The following CLTRN variants were observed in gnomAD, a reference collection of about 807,000 sequenced individuals.
The protein encoded by CLTRN is collectrin, amino acid transport regulator.
CLTRN carries 12 observed loss-of-function variants against 14.5 expected under a neutral mutation model. That is an observed-to-expected ratio of 0.83 (90% CI 0.53 to 1.34). The LOEUF (loss-of-function observed/expected upper bound fraction) is 1.34. Among genes scored for constraint, CLTRN ranks in the 40% most tolerant of loss-of-function variants. CLTRN has a pLI of 0.00. For synonymous variants in CLTRN, 58 were observed against 56.5 expected, an observed-to-expected ratio of 1.03 and a Z score of -0.12; for missense variants, 154 against 165.1, an observed-to-expected ratio of 0.93 and a Z score of 0.37.
intron 3 of CLTRN, among the ~76,000 whole-genome samples, chrX:15,654,413 T>C (rs1929299165): frequency 8.9e-6 from 1 of 112,715 alleles, no homozygotes; most frequent in East Asian, 2.8e-4. Context: ...AGACTAAACT[T>C]TGGATTAGAT....
intron 1 of CLTRN, among the ~76,000 whole-genome samples, chrX:15,669,999 G>A (rs1929686545): frequency 9.0e-6 from 1 of 111,233 alleles, no homozygotes; most frequent in South Asian, 3.7e-4. Context: ...TTTGCTGCTG[G>A]GCATGGTGGC....
intron 3 of CLTRN, among the ~76,000 whole-genome samples, chrX:15,650,654 G>A (rs1053346495): frequency 1.3e-4 from 15 of 112,196 alleles, no homozygotes; most frequent in Admixed American, 3.8e-4. Context: ...ACAATGTTGT[G>A]TCCTTCCTAC....
intron 5 of CLTRN, among the ~76,000 whole-genome samples, chrX:15,639,333 G>A (rs1181762995): frequency 8.9e-6 from 1 of 112,181 alleles, no homozygotes; most frequent in African/African-American, 3.2e-5. Flanking sequence ...ATGTGGTACA[G>A]AATAGAGGGA....
chrX:15,654,345 C>A (rs998658312), intron 3 of CLTRN, among the ~76,000 whole-genome samples: 2 of 112,721 alleles, frequency 1.8e-5, no homozygotes, highest in Admixed American at 9.4e-5. Context: ...GATAAATTAT[C>A]TAAAAGTTGA....
chrX:15,630,807 G>A (rs913816143), intron 5 of CLTRN, among the ~76,000 whole-genome samples: 1 of 111,610 alleles, frequency 9.0e-6, no homozygotes, highest in Non-Finnish European at 1.9e-5. Flanking sequence ...CATGGGTTGG[G>A]GTGGACATAG....
chrX:15,661,969 C>G lies in CLTRN; in HGVS notation c.117+2368G>C, dbSNP rs890201148. ...CTTTTTGCACACATCTAAGAACACTCAAACCATGGCTAACCCCACATTTTA... is the reference window on the plus strand; with the variant it reads ...CTTTTTGCACACATCTAAGAACACTGAAACCATGGCTAACCCCACATTTTA... On this transcript the variant is annotated intron_variant, in intron 2 of 5. Coordinates refer to ENST00000380342, the MANE Select transcript of CLTRN (RefSeq NM_020665.6). Among the ~76,000 whole-genome samples, 4 of 111,831 alleles carry G rather than the reference C, an allele frequency of 3.6e-5. No individual in the cohort carries two copies. In the Admixed American group the frequency reaches 3.8e-4, roughly 11 times the overall value.
chrX:15,652,549 A>G (rs1259175258), intron 3 of CLTRN, among the ~76,000 whole-genome samples: 3 of 110,377 alleles, frequency 2.7e-5, no homozygotes, highest in Non-Finnish European at 5.7e-5. Flanking sequence ...ACAAACTTAT[A>G]GTACCGCTAA....
At chrX:15,666,252 C>G (rs745924022), upstream of CLTRN, among the ~76,000 whole-genome samples, 1 of 111,529 alleles carries the variant, frequency 9.0e-6, no homozygotes, top group East Asian at 2.8e-4. Flanking sequence ...TTTAAAAAAC[C>G]CTGAAGTTGC....
At chrX:15,660,066 G>A (rs1035650921) in intron 2 of CLTRN, among the ~76,000 whole-genome samples, 5 of 111,504 alleles carry the variant, frequency 4.5e-5, no homozygotes, top group Admixed American at 2.9e-4. Context: ...AAAGCTGAGC[G>A]GAAGAAGTTG....
intron 3 of CLTRN, among the ~76,000 whole-genome samples, chrX:15,654,873 C>T (rs1929310916): frequency 8.9e-6 from 1 of 112,130 alleles, no homozygotes. Flanking sequence ...CCAGCCACAG[C>T]AGTGTAGTTC....
intron 5 of CLTRN, among the ~76,000 whole-genome samples, chrX:15,633,597 G>C (rs888957812): frequency 2.7e-5 from 3 of 112,749 alleles, no homozygotes; most frequent in African/African-American, 9.7e-5. Context: ...CTATTTTTAA[G>C]ACTATTCATT....
upstream of CLTRN, among the ~76,000 whole-genome samples, chrX:15,668,269 T>A (rs766979798): frequency 1.8e-5 from 2 of 112,129 alleles, no homozygotes; most frequent in African/African-American, 6.5e-5. Flanking sequence ...AATACAATGA[T>A]GGGAATAAGA....
intron 3 of CLTRN, among the ~76,000 whole-genome samples, chrX:15,656,063 C>T (rs1239604643): frequency 1.8e-5 from 2 of 111,747 alleles, no homozygotes; most frequent in Non-Finnish European, 3.8e-5. Context: ...GTGGAAATGC[C>T]ACAGCCCTCT....
upstream of CLTRN, among the ~76,000 whole-genome samples, chrX:15,666,084 G>T (rs1019333238): frequency 2.7e-5 from 3 of 111,751 alleles, no homozygotes; most frequent in African/African-American, 9.8e-5. Flanking sequence ...ACCTACTTGA[G>T]GATAGTGGGT....
intron 1 of CLTRN, among the ~76,000 whole-genome samples, chrX:15,674,447 C>A (rs928190501): frequency 1.8e-5 from 2 of 111,806 alleles, no homozygotes; most frequent in African/African-American, 3.3e-5. Context: ...TTTAAATGGG[C>A]TGGAAGGAAC....
At chrX:15,644,780 C>A in intron 4 of CLTRN, 136 bp downstream of exon 4, 1 of 450,273 alleles carries the variant, frequency 2.2e-6, no homozygotes, top group East Asian at 4.1e-5. Context: ...CAGAAACTAA[C>A]AAAATGAAAT....
In CLTRN at chrX:15,664,354, C is replaced by T. The variant is rs1410715852; in HGVS notation, c.100G>A (p.Ala34Thr). The T allele has an allele frequency of 8.4e-7, 1 of 1,192,464 alleles. No homozygotes were observed. Among genetic ancestry groups the T allele is most frequent in the Non-Finnish European group, 1.1e-6 (1 of 884,098 alleles). Reference sequence around the variant, plus strand: ...CCACTTACTGCTTTATCTCCCAGAGCTGTTCTGATACTAAGTCTCACTTTA... The same window carrying T: ...CCACTTACTGCTTTATCTCCCAGAGTTGTTCTGATACTAAGTCTCACTTTA... The part of the protein sequence containing the change: ...AFKVRLSIRT[A>T]LGDKAYAWDT... Residue 34 changes from alanine to threonine, a missense_variant, in exon 2 of 6, where the codon GCT becomes ACT. By Grantham distance (58) the Ala-to-Thr change is moderately conservative. Coordinates refer to ENST00000380342, the MANE Select transcript of CLTRN (RefSeq NM_020665.6).
At chrX:15,666,353 C>A (rs1929621414), upstream of CLTRN, among the ~76,000 whole-genome samples, 2 of 111,704 alleles carry the variant, frequency 1.8e-5, no homozygotes, top group African/African-American at 6.5e-5. Context: ...AATCAACGCC[C>A]CGCCCAGAGG....
chrX:15,664,345 C>G lies in CLTRN; in HGVS notation c.109G>C (p.Asp37His), dbSNP rs1476053577. 3.4e-6 allele frequency: 4 copies of G among 1,187,855 alleles called. No individual in the cohort carries two copies. In the African/African-American group the frequency reaches 7.1e-5, roughly 21 times the overall value. ...TCAGGTGCTCCACTTACTGCTTTATCTCCCAGAGCTGTTCTGATACTAAGT... is the reference window on the plus strand; with the variant it reads ...TCAGGTGCTCCACTTACTGCTTTATGTCCCAGAGCTGTTCTGATACTAAGT... ...VRLSIRTALG[D>H]KAYAWDTNEE... The change falls in exon 2 of 6, where the codon GAT (aspartate) becomes CAT (histidine). Residue 37 changes from aspartate to histidine, a missense_variant. Physicochemically the swap from Asp to His is moderately conservative, Grantham distance 81 (BLOSUM62 -1). Transcript: ENST00000380342.
Sources: allele counts gnomAD v4.1 joint callset (sites outside exome capture counted in the v4.1 genomes callset), GRCh38; gene constraint gnomAD v4.1.1; transcripts MANE v1.5; gene names NCBI Gene and HGNC (gene_info 2026-07-23, HGNC 2026-07-21).